POLR1C: variants seen among roughly 807,000 people sequenced by gnomAD.
POLR1C encodes DNA-directed RNA polymerases I and III subunit RPAC1.
A neutral mutation model predicts 38.3 loss-of-function variants in POLR1C; 42 were observed. The observed-to-expected ratio is 1.10, with a 90% CI of 0.86 to 1.42. The LOEUF is 1.42. POLR1C is among the 40% of genes most tolerant of loss of function. POLR1C has a pLI of 0.00. For synonymous variants in POLR1C, 163 were observed against 163.9 expected, an observed-to-expected ratio of 0.99 and a Z score of 0.04; for missense variants, 507 against 450.5, an observed-to-expected ratio of 1.13 and a Z score of -1.14.
intron 9 of POLR1C, among the ~76,000 whole-genome samples, chr6:43,537,181 AG>A (rs1463947031): frequency 1.3e-4 from 19 of 142,666 alleles, no homozygotes; most frequent in Non-Finnish European, 2.7e-4. Flanking sequence ...TGTGTTGCCC[AG>A]GCTGGTCTCA....
chr6:43,546,434 C>T (rs1438401735), intron 9 of POLR1C: 3 of 804,284 alleles, frequency 3.7e-6, no homozygotes, highest in Admixed American at 3.9e-5. Flanking sequence ...AACTGAGACA[C>T]CCTCTAGAAA....
chr6:43,526,452 A>G, downstream of POLR1C: 1 of 556,646 alleles, frequency 1.8e-6, no homozygotes, highest in Non-Finnish European at 3.2e-6. Flanking sequence ...AAGCAAGAGA[A>G]AAGATCACAT....
chr6:43,528,352 G>GT (rs1309449761), intron 8 of POLR1C: 9 of 746,414 alleles, frequency 1.2e-5, no homozygotes, highest in Non-Finnish European at 1.8e-5. Flanking sequence ...ACACCACAAG[G>GT]TTAAAAAAAA....
intron 6 of POLR1C, 70 bp from the exon 7 acceptor site, chr6:43,520,555 T>G: frequency 1.2e-6 from 2 of 1,602,652 alleles, no homozygotes; most frequent in Non-Finnish European, 1.7e-6. Context: ...TTGCTGTTAG[T>G]AGCTTAGGAG....
downstream of POLR1C, chr6:43,534,030 T>C (rs1794163689): frequency 6.4e-7 from 1 of 1,566,698 alleles, no homozygotes; most frequent in East Asian, 2.3e-5. Context: ...AGAATGCTAT[T>C]GAGCTTTTCC....
intron 10 of POLR1C, among the ~76,000 whole-genome samples, chr6:43,559,305 A>C (rs900388490): frequency 6.6e-6 from 1 of 152,310 alleles, no homozygotes; most frequent in African/African-American, 2.4e-5. Context: ...TCAAAAAAAA[A>C]CACAGAACAC....
At chr6:43,530,631 G>GTT (rs1478363244), downstream of POLR1C, 1 of 1,589,680 alleles carries the variant, frequency 6.3e-7, no homozygotes, top group Non-Finnish European at 8.6e-7. Flanking sequence ...GACCTGTTTT[G>GTT]TTTCTCTCTC....
intron 8 of POLR1C, chr6:43,528,332 TG>T (rs1793727728): frequency 1.1e-6 from 1 of 872,302 alleles, no homozygotes; most frequent in Non-Finnish European, 1.8e-6. Context: ...TGACAACTTC[TG>T]TAGACTCCAC....
At chr6:43,561,603 T>A (rs1762421383) in exon 11 of POLR1C, 1 of 153,108 alleles carries the variant, frequency 6.5e-6, no homozygotes, top group African/African-American at 2.4e-5. Flanking sequence ...AGTCTCAAAC[T>A]CTTGACCTCA....
chr6:43,519,475 T>A (rs767071369), intron 3 of POLR1C, 35 bp downstream of exon 3: 1 of 1,482,774 alleles, frequency 6.7e-7, no homozygotes, highest in South Asian at 1.1e-5. Context: ...CTGGAGTTGC[T>A]TTGGGAACTG....
rs886061428 is a variant in POLR1C at position 43,521,039 on chromosome 6, C to A, written c.913C>A (p.His305Asn). Residue 305 changes from histidine to asparagine, a missense_variant, in exon 8 of 9, where the codon CAT (histidine) becomes AAT (asparagine). Physicochemically the swap from His to Asn is moderately conservative, Grantham distance 68. Coordinates refer to ENST00000642195, the MANE Select transcript of POLR1C (RefSeq NM_203290.4). Reference sequence around the variant, plus strand: ...TGTGAGGCTTGCCCGGGTTCGAGATCATTATATCTGTGAGTATGAAGTGGT... The same window carrying A: ...TGTGAGGCTTGCCCGGGTTCGAGATAATTATATCTGTGAGTATGAAGTGGT... ...KVVRLARVRD[H>N]YIFSVESTGV... 3 of 1,613,222 alleles carry A rather than the reference C, an allele frequency of 1.9e-6. No homozygotes were observed. The highest frequency in any genetic ancestry group is 2.5e-6 in the Non-Finnish European group (3 of 1,179,144).
chr6:43,527,174 C>T (rs959273765), intron 8 of POLR1C: 13 of 213,160 alleles, frequency 6.1e-5, no homozygotes, highest in Middle Eastern at 2.0e-3. Context: ...TTTTGTTTCC[C>T]CATATTCAGC....
chr6:43,549,987 G>C, intron 9 of POLR1C: 1 of 1,578,510 alleles, frequency 6.3e-7, no homozygotes, highest in Non-Finnish European at 8.7e-7. Flanking sequence ...TTAGAGATGA[G>C]ATCTTGCTAT....
At chr6:43,533,849 A>G (rs952431749), downstream of POLR1C, 3 of 1,317,490 alleles carry the variant, frequency 2.3e-6, no homozygotes, top group Non-Finnish European at 2.1e-6. Context: ...CAACAAAAAA[A>G]GGGGACATCC....
chr6:43,562,068 G>A, exon 11 of POLR1C: 1 of 454,340 alleles, frequency 2.2e-6, no homozygotes, highest in Non-Finnish European at 3.9e-6. Flanking sequence ...AAGAAATTTA[G>A]ATCACTCAAA....
downstream of POLR1C, chr6:43,524,352 C>CAA (rs368583529): frequency 2.9e-3 from 3,063 of 1,064,304 alleles, no homozygotes; most frequent in South Asian, 3.7e-3. Context: ...AACCCCATCT[C>CAA]AAAAAAAAAA....
Position 43,548,957 on chromosome 6 carries a change from A to T in POLR1C, c.*5-2011A>T, listed in dbSNP as rs1795097378. On this transcript the variant is annotated intron_variant, in intron 9 of 10. Transcript: ENST00000607635. ...GTTGTAGAATTATAGGGGTAAACTTAGTAATCTATATGGCAGAGAACTATT... is the reference window on the plus strand; with the variant it reads ...GTTGTAGAATTATAGGGGTAAACTTTGTAATCTATATGGCAGAGAACTATT... Among the ~76,000 whole-genome samples the T allele has an allele frequency of 2.0e-5, 3 of 152,242 alleles. 1 individual carries two copies. The South Asian group carries it at 6.2e-4, about 32-fold the overall frequency.
intron 8 of POLR1C, chr6:43,526,563 AGAT>A (rs1412592321): frequency 9.1e-6 from 10 of 1,103,900 alleles, no homozygotes; most frequent in African/African-American, 1.6e-5. Context: ...GCTGGTCCAG[AGAT>A]GATAACTACA....
rs77117168 is a variant in POLR1C at position 43,519,062 on chromosome 6, G to A, written c.142-271G>A. The A allele has an allele frequency of 1.1e-3, 529 of 496,880 alleles. 7 individuals carry two copies. In the East Asian group the frequency reaches 0.018, roughly 17 times the overall value. The allele number at this position is 496,880 out of a possible 1,614,324, so 30.8% of individuals were successfully genotyped here. On this transcript the variant is annotated intron_variant, in intron 2 of 8. Transcript: ENST00000642195. The stretch of plus-strand genomic sequence containing the variant: ...TAGTGTCAACAAAACTAAGCACTAT[G>A]GTAGTTTCTGTTCTTCAGTAGAATA...
Sources: gnomAD v4.1 joint callset for allele counts (sites outside exome capture counted in the v4.1 genomes callset) on GRCh38, gnomAD v4.1.1 for gene constraint, MANE v1.5 for transcripts, NCBI Gene and HGNC (gene_info 2026-07-23, HGNC 2026-07-21) for gene names.